SPAG17: variants seen among roughly 807,000 people sequenced by gnomAD.
The protein encoded by SPAG17 is sperm-associated antigen 17.
Under a neutral mutation model 273.6 loss-of-function variants are expected in SPAG17, and 169 were observed. The observed-to-expected ratio is 0.62, with a 90% confidence interval of 0.55 to 0.70. The LOEUF is 0.70. SPAG17 is among the 30% of genes least tolerant of loss of function. The probability of loss-of-function intolerance (pLI) is 0.00; values close to 1 mark genes in which losing one functional copy is unlikely to be tolerated. For missense variants in SPAG17, 2,557 were observed against 2,627.8 expected, an observed-to-expected ratio of 0.97 and a Z score of 0.59; for synonymous variants, 825 against 873.2, an observed-to-expected ratio of 0.94 and a Z score of 0.97.
At position 118,184,080 on chromosome 1, in the gene SPAG17, GA is replaced by G. The variant is rs76095077; in HGVS notation, c.87+990del. Among the ~76,000 whole-genome samples, 214 of 147,710 alleles carry G rather than the reference GA, an allele frequency of 1.4e-3. 1 individual carries two copies. The highest frequency in any genetic ancestry group is 4.8e-3 in the African/African-American group (192 of 40,218). Reference sequence around the variant, plus strand: ...TATCAAACAGAATTACTGTTAATAGGAAAAAAAAACAGTTATAGTGGAAAAT... The same window carrying G: ...TATCAAACAGAATTACTGTTAATAGGAAAAAAAACAGTTATAGTGGAAAAT... On this transcript the variant is annotated intron_variant, in intron 1 of 48. Transcript: ENST00000336338.
chr1:118,039,537 A>C, intron 22 of SPAG17, 93 bp from the exon 23 acceptor site: 1 of 1,313,290 alleles, frequency 7.6e-7, no homozygotes, highest in Non-Finnish European at 1.1e-6. Context: ...ACAGAAACAA[A>C]CACACGAACA....
intron 29 of SPAG17, among the ~76,000 whole-genome samples, chr1:118,013,393 T>C (rs941411780): frequency 7.9e-5 from 12 of 152,290 alleles, no homozygotes; most frequent in Admixed American, 5.2e-4. Context: ...ATCATTATTT[T>C]AGGTTCTTAT....
intron 20 of SPAG17, among the ~76,000 whole-genome samples, chr1:118,051,520 T>A (rs1025534397): frequency 4.3e-5 from 6 of 140,494 alleles, no homozygotes; most frequent in Non-Finnish European, 4.6e-5. Flanking sequence ...CATCAACAGA[T>A]AAATGAATAA....
At position 118,178,449 on chromosome 1, in the gene SPAG17, G is replaced by A. The variant is rs116739981; in HGVS notation, c.87+6622C>T. ...GGTGTAGAAGAAACATACCTCAAAT[G>A]ATAAAGGCCAAACCCTCAGCTAAAA... On this transcript the variant is annotated intron_variant, in intron 1 of 48. Coordinates refer to ENST00000336338, the MANE Select transcript of SPAG17 (RefSeq NM_206996.4). Among the ~76,000 whole-genome samples the A allele has an allele frequency of 8.8e-3, 1,334 of 151,868 alleles. 26 individuals carry two copies. Among genetic ancestry groups the A allele is most frequent in the African/African-American group, 0.031 (1,267 of 41,480 alleles).
At chr1:117,987,701 CACT>C (rs2101626116) in intron 40 of SPAG17, 130 bp downstream of exon 40, 1 of 847,072 alleles carries the variant, frequency 1.2e-6, no homozygotes, top group African/African-American at 1.7e-5. Context: ...GCTGAATGAC[CACT>C]TGGTAGACAT....
Position 118,125,319 on chromosome 1 carries a change from T to G in SPAG17, c.316-9878A>C, listed in dbSNP as rs193080984. 6.8e-4 allele frequency among the ~76,000 whole-genome samples: 104 copies of G among 152,244 alleles called. 2 individuals are homozygous for G. The East Asian group carries it at 0.019, about 28-fold the overall frequency. On this transcript the variant is annotated intron_variant, in intron 3 of 48. Coordinates refer to ENST00000336338, the MANE Select transcript of SPAG17 (RefSeq NM_206996.4). Reference sequence around the variant, plus strand: ...TTTTACACATGTGTAGAGTGTGTAATGATTAAATCAGGGTAATTAGCATAT... The same window carrying G: ...TTTTACACATGTGTAGAGTGTGTAAGGATTAAATCAGGGTAATTAGCATAT...
At chr1:118,129,509 G>C (rs1248537858) in intron 3 of SPAG17, among the ~76,000 whole-genome samples, 2 of 152,044 alleles carry the variant, frequency 1.3e-5, no homozygotes, top group African/African-American at 4.8e-5. Context: ...GAGAACCATT[G>C]TTTTGTACCT....
chr1:117,963,693 G>A (rs1202077266), intron 48 of SPAG17, 106 bp downstream of exon 48: 4 of 1,050,964 alleles, frequency 3.8e-6, no homozygotes, highest in Admixed American at 2.7e-5. Flanking sequence ...ATTCAGGCCA[G>A]GTGGCTTATA....
intron 20 of SPAG17, among the ~76,000 whole-genome samples, chr1:118,045,774 G>C (rs1274678447): frequency 1.3e-5 from 2 of 152,104 alleles, no homozygotes; most frequent in Non-Finnish European, 2.9e-5. Flanking sequence ...TAATCTACGA[G>C]GTCTGTGCTA....
At chr1:118,160,075 C>A (rs371706103) in intron 1 of SPAG17, among the ~76,000 whole-genome samples, 4 of 152,048 alleles carry the variant, frequency 2.6e-5, no homozygotes, top group East Asian at 3.9e-4. Flanking sequence ...ACAGAGGAGA[C>A]CAAGAAAAGC....
intron 20 of SPAG17, among the ~76,000 whole-genome samples, chr1:118,044,209 A>G (rs1305646192): frequency 6.6e-6 from 1 of 152,188 alleles, no homozygotes. Flanking sequence ...GAATGTTTTC[A>G]GAGCAGCTAG....
At chr1:118,049,729 A>G (rs951847762) in intron 20 of SPAG17, among the ~76,000 whole-genome samples, 2 of 152,196 alleles carry the variant, frequency 1.3e-5, no homozygotes, top group African/African-American at 4.8e-5. Context: ...AATCTTGAGG[A>G]AAAATAAAAA....
intron 20 of SPAG17, among the ~76,000 whole-genome samples, chr1:118,047,255 A>G (rs1650464117): frequency 6.6e-6 from 1 of 152,164 alleles, no homozygotes; most frequent in South Asian, 2.1e-4. Context: ...ACTTTCCAGA[A>G]CTCATCCCTC....
intron 41 of SPAG17, among the ~76,000 whole-genome samples, chr1:117,984,230 G>A (rs1656159740): frequency 6.6e-6 from 1 of 152,170 alleles, no homozygotes; most frequent in African/African-American, 2.4e-5. Flanking sequence ...CTACAGGTAG[G>A]CTGAAATAGA....
Position 118,150,582 on chromosome 1 carries a change from T to A in SPAG17, c.276A>T (p.Ala92=). 6.3e-7 allele frequency: 1 copy of A among 1,582,754 alleles called. No homozygotes were observed. The highest frequency in any genetic ancestry group is 8.6e-7 in the Non-Finnish European group (1 of 1,156,090). Residue 92 remains alanine, a synonymous_variant, in exon 3 of 49, where the codon GCA becomes GCT. Coordinates refer to ENST00000336338, the MANE Select transcript of SPAG17 (RefSeq NM_206996.4). ...TLVGSASSKK[A]KKPVGGNAPL... ...GAGCATTACCACCTACAGGTTTTTT[T>A]GCCTTTTTAGATGAAGCAGATCCAA... is the stretch of plus-strand genomic sequence containing the variant.
At chr1:118,061,145 A>T (rs565513329) in intron 18 of SPAG17, among the ~76,000 whole-genome samples, 4 of 152,326 alleles carry the variant, frequency 2.6e-5, no homozygotes, top group African/African-American at 7.2e-5. Context: ...ATACCATAGA[A>T]GTTTCTCAAA....
At chr1:118,005,718 G>T in intron 31 of SPAG17, 116 bp from the exon 32 acceptor site, 1 of 721,584 alleles carries the variant, frequency 1.4e-6, no homozygotes, top group Non-Finnish European at 2.0e-6. Flanking sequence ...AACTGTGTTT[G>T]CAGGAGGAAA....
intron 3 of SPAG17, among the ~76,000 whole-genome samples, chr1:118,128,453 G>C (rs1657866653): frequency 6.6e-6 from 1 of 152,162 alleles, no homozygotes; most frequent in Non-Finnish European, 1.5e-5. Flanking sequence ...GAAGTGGTGA[G>C]AGTGGGCATC....
chr1:118,086,099 A>G (rs1558001991), intron 12 of SPAG17, 27 bp from the exon 13 acceptor site: 8 of 1,611,008 alleles, frequency 5.0e-6, no homozygotes, highest in Non-Finnish European at 5.9e-6. Context: ...ACATGACAGA[A>G]GACATTAGAG....
Sources: gnomAD v4.1 joint callset for allele counts (sites outside exome capture counted in the v4.1 genomes callset) on GRCh38, gnomAD v4.1.1 for gene constraint, MANE v1.5 for transcripts, NCBI Gene and HGNC (gene_info 2026-07-23, HGNC 2026-07-21) for gene names.